APOBEC3F: variants seen among roughly 807,000 people sequenced by gnomAD.
The protein encoded by APOBEC3F is apolipoprotein B mRNA editing enzyme catalytic subunit 3F.
A neutral mutation model predicts 45.8 loss-of-function variants in APOBEC3F; 34 were observed. The ratio of observed to expected loss-of-function variants is 0.74; its 90% CI spans 0.57 to 0.99. The LOEUF (loss-of-function observed/expected upper bound fraction) is 0.99, where lower values mean the gene tolerates loss of function less well. Among genes scored for constraint, APOBEC3F ranks in the 50% least tolerant of loss-of-function variants. The pLI is 0.00. For synonymous variants in APOBEC3F, 192 were observed against 174.4 expected, an observed-to-expected ratio of 1.10 and a Z score of -0.80; for missense variants, 459 against 474.1, an observed-to-expected ratio of 0.97 and a Z score of 0.30.
intron 2 of APOBEC3F, among the ~76,000 whole-genome samples, chr22:39,043,555 C>A (rs1469369784): frequency 6.6e-6 from 1 of 150,678 alleles, no homozygotes; most frequent in Non-Finnish European, 1.5e-5. Context: ...GGTGATCCAC[C>A]TGCCTCGGCC....
rs754833615 is a variant in APOBEC3F at position 39,045,524 on chromosome 22, C to T, written c.548C>T (p.Thr183Met). The T allele has an allele frequency of 1.1e-5, 17 of 1,614,050 alleles. No individual in the cohort carries two copies. Among genetic ancestry groups the T allele is most frequent in the South Asian group, 5.5e-5 (5 of 91,090 alleles). The change falls in exon 4 of 7, where the codon ACG becomes ATG. Residue 183 changes from threonine (T) to methionine (M), a missense_variant. Thr to Met is a moderately conservative substitution (Grantham distance 81). Coordinates refer to ENST00000308521, the MANE Select transcript of APOBEC3F (RefSeq NM_145298.6). ...FDDNYAFLHRTLKEILRNPME... is the reference protein window; with the variant it reads ...FDDNYAFLHRMLKEILRNPME... ...GACAATTATGCATTCCTGCACCGCACGCTAAAGGAGATTCTCAGGTGAGGG... is the reference window on the plus strand; with the variant it reads ...GACAATTATGCATTCCTGCACCGCATGCTAAAGGAGATTCTCAGGTGAGGG...
chr22:39,050,604 G>C (rs1324654184), intron 5 of APOBEC3F, among the ~76,000 whole-genome samples: 1 of 151,456 alleles, frequency 6.6e-6, no homozygotes, highest in Non-Finnish European at 1.5e-5. Context: ...ATCTCACATA[G>C]GATTTCAACA....
intron 4 of APOBEC3F, among the ~76,000 whole-genome samples, chr22:39,047,265 G>T (rs112668702): frequency 6.6e-6 from 1 of 152,092 alleles, no homozygotes; most frequent in Non-Finnish European, 1.5e-5. Flanking sequence ...CATAGCTACC[G>T]GGTGGGGGGC....
chr22:39,045,417 C>G lies in APOBEC3F; in HGVS notation c.452-11C>G. On this transcript the variant is annotated splice_polypyrimidine_tract_variant and intron_variant, in intron 3 of 6. Coordinates refer to ENST00000308521, the MANE Select transcript of APOBEC3F (RefSeq NM_145298.6). ...GGCAGAGCCTGACTGCTTCCTGCCT[C>G]TTCGTCTCAGAATTTGCATACTGCT... 6.2e-7 allele frequency: 1 copy of G among 1,614,068 alleles called. No individual in the cohort carries two copies. The highest frequency in any genetic ancestry group is 8.5e-7 in the Non-Finnish European group (1 of 1,179,960).
chr22:39,044,280 C>A, intron 2 of APOBEC3F: 2 of 1,550,094 alleles, frequency 1.3e-6, no homozygotes, highest in South Asian at 1.2e-5. Context: ...GAATGGATGC[C>A]AGAATTCACG....
chr22:39,046,996 G>T (rs772351242), intron 4 of APOBEC3F, among the ~76,000 whole-genome samples: 1 of 152,076 alleles, frequency 6.6e-6, no homozygotes, highest in Non-Finnish European at 1.5e-5. Flanking sequence ...GTCTTAGACC[G>T]GAGGAGCAAA....
rs1029750415 is a variant in APOBEC3F at position 39,054,232 on chromosome 22, A to G, written c.*1537A>G. Reference sequence around the variant, plus strand: ...TCATCATGTTTCCCAGGCTGGTCTTATTTTTATTTTATTTTTTGAGATGGA... The same window carrying G: ...TCATCATGTTTCCCAGGCTGGTCTTGTTTTTATTTTATTTTTTGAGATGGA... On this transcript the variant is annotated 3_prime_UTR_variant, in exon 7 of 7. Transcript: ENST00000308521. Among the ~76,000 whole-genome samples, 1 of 150,390 alleles carries G rather than the reference A, an allele frequency of 6.6e-6. No individual in the cohort carries two copies. The highest frequency in any genetic ancestry group is 2.4e-5 in the African/African-American group (1 of 40,822).
Position 39,047,202 on chromosome 22 carries a change from A to G in APOBEC3F, c.566+1660A>G, listed in dbSNP as rs1057193944. Among the ~76,000 whole-genome samples the G allele has an allele frequency of 7.3e-4, 111 of 152,194 alleles. 1 individual carries two copies. Among genetic ancestry groups the G allele is most frequent in the African/African-American group, 2.5e-3 (105 of 41,534 alleles). ...TCCTCCCTCCAATGGTGGCCTTTGA[A>G]TGTGAAGGCAAGGGGGAAGCAGACA... On this transcript the variant is annotated intron_variant, in intron 4 of 6. Transcript: ENST00000308521.
At chr22:39,047,621 C>T (rs1246599130) in intron 4 of APOBEC3F, among the ~76,000 whole-genome samples, 1 of 152,010 alleles carries the variant, frequency 6.6e-6, no homozygotes, top group South Asian at 2.1e-4. Flanking sequence ...TAGTCTCTCT[C>T]CCCTCTGGTT....
chr22:39,044,239 CTGAGGATGCCTGG>C (rs1432442042), intron 2 of APOBEC3F: 8 of 1,592,690 alleles, frequency 5.0e-6, no homozygotes, highest in Non-Finnish European at 6.8e-6. Context: ...ACAGCAGGGG[CTGAGGATGCCTGG>C]TGAATGGATG....
chr22:39,045,593 A>C (rs1927177526), intron 4 of APOBEC3F, 51 bp downstream of exon 4: 3 of 1,611,682 alleles, frequency 1.9e-6, no homozygotes, highest in Non-Finnish European at 2.5e-6. Context: ...CCTCCTGCTC[A>C]TCCTCCTGAG....
intron 5 of APOBEC3F, 123 bp from the exon 6 acceptor site, chr22:39,051,951 C>T (rs915037603): frequency 4.4e-5 from 63 of 1,429,014 alleles, no homozygotes; most frequent in Non-Finnish European, 1.0e-5. Context: ...GAGACCCTGT[C>T]TCAAAAATAA....
Position 39,045,018 on chromosome 22 carries a change from G to A in APOBEC3F, c.249G>A (p.Lys83=). 1.2e-6 allele frequency: 2 copies of A among 1,614,046 alleles called. No individual in the cohort carries two copies. Among genetic ancestry groups the A allele is most frequent in the Non-Finnish European group, 1.7e-6 (2 of 1,180,006 alleles). ...GTGGCAACCAGCTGCCTGCTTACAA[G>A]TGTTTCCAGATCACCTGGTTTGTAT... ...WFCGNQLPAY[K]CFQITWFVSW... is the part of the protein sequence containing the mutation. Residue 83 remains lysine, a synonymous_variant, in exon 3 of 7, where the codon AAG becomes AAA. Coordinates refer to ENST00000308521, the MANE Select transcript of APOBEC3F (RefSeq NM_145298.6).
At chr22:39,045,282 C>G in intron 3 of APOBEC3F, 62 bp downstream of exon 3, 2 of 1,594,284 alleles carry the variant, frequency 1.3e-6, no homozygotes, top group Non-Finnish European at 1.7e-6. Context: ...ATGGATGGAT[C>G]TGCAATGCCA....
At chr22:39,049,640 A>G in intron 5 of APOBEC3F, 59 bp downstream of exon 5, 1 of 1,590,974 alleles carries the variant, frequency 6.3e-7, no homozygotes, top group African/African-American at 1.4e-5. Flanking sequence ...GAATGCAGAA[A>G]ACACAATAAG....
At chr22:39,041,460 C>CGT (rs146990244) in intron 1 of APOBEC3F, among the ~76,000 whole-genome samples, 12,632 of 152,092 alleles carry the variant, frequency 0.083, 1,754 homozygotes, top group African/African-American at 0.29. Context: ...CAAGATAAAT[C>CGT]GTATCTTCCA....
chr22:39,044,556 C>G (rs901111149), intron 2 of APOBEC3F: 2 of 531,888 alleles, frequency 3.8e-6, no homozygotes, highest in Non-Finnish European at 6.2e-6. Flanking sequence ...CCTGGGATGT[C>G]GAGTCACTGC....
intron 6 of APOBEC3F, 65 bp from the exon 7 acceptor site, chr22:39,052,512 G>C (rs1186221221): frequency 7.0e-6 from 11 of 1,570,062 alleles, no homozygotes; most frequent in African/African-American, 2.7e-5. Context: ...GGCTTGGAGG[G>C]GAGGGCCCAG....
chr22:39,052,279 G>C lies in APOBEC3F; in HGVS notation c.929G>C (p.Trp310Ser). The C allele has an allele frequency of 6.2e-7, 1 of 1,614,194 alleles. No homozygotes were observed. Among genetic ancestry groups the C allele is most frequent in the Non-Finnish European group, 8.5e-7 (1 of 1,180,028 alleles). ...TTCACCGCCCGCCTCTACTACTTCT[G>C]GGATACAGATTACCAGGAGGGGCTC... ...TIFTARLYYF[W>S]DTDYQEGLRS... The change falls in exon 6 of 7, where the codon TGG (tryptophan) becomes TCG (serine). Residue 310 changes from tryptophan to serine, a missense_variant. Coordinates refer to ENST00000308521, the MANE Select transcript of APOBEC3F (RefSeq NM_145298.6).
Sources: allele counts gnomAD v4.1 joint callset (sites outside exome capture counted in the v4.1 genomes callset), GRCh38; gene constraint gnomAD v4.1.1; transcripts MANE v1.5; gene names NCBI Gene and HGNC (gene_info 2026-07-23, HGNC 2026-07-21).